CAPN15: variants seen among roughly 807,000 people sequenced by gnomAD.
CAPN15 encodes calpain-15.
In CAPN15, 53 loss-of-function variants were observed where a neutral mutation model predicts 97.9. That is an observed-to-expected ratio of 0.54 (90% CI 0.43 to 0.68). CAPN15 has a LOEUF of 0.68. Among genes scored for constraint, CAPN15 ranks in the 30% least tolerant of loss-of-function variants. CAPN15 has a pLI of 0.00. For synonymous variants in CAPN15, 922 were observed against 722.5 expected (o/e 1.28, Z -4.43); for missense variants, 1,592 against 1,589.8 (o/e 1.00, Z -0.02).
In CAPN15 at chr16:547,036, G is replaced by C; in HGVS notation, c.198G>C (p.Val66=). 6.2e-7 allele frequency: 1 copy of C among 1,609,008 alleles called. No individual in the cohort carries two copies. Among genetic ancestry groups the C allele is most frequent in the East Asian group, 2.2e-5 (1 of 44,834 alleles). ...TCCTGGGCAAGGAGGCCTGCGAGGT[G>C]TGCGGCTTCACCCCGGAGCCTGCGC... ...RNFLGKEACE[V]CGFTPEPAPG... The change falls in exon 4 of 14, where the codon GTG becomes GTC. Residue 66 remains valine (V), a synonymous_variant. Coordinates refer to ENST00000219611, the MANE Select transcript of CAPN15 (RefSeq NM_005632.3).
At chr16:549,550 C>G in intron 6 of CAPN15, 65 bp from the exon 7 acceptor site, 1 of 1,364,120 alleles carries the variant, frequency 7.3e-7, no homozygotes, top group Non-Finnish European at 9.9e-7. Flanking sequence ...CGGCTGCTTC[C>G]TCTTCTCCCA....
rs1403889458 is a variant in CAPN15 at position 527,909 on chromosome 16, G to C, written c.-310G>C. On this transcript the variant is annotated 5_prime_UTR_variant, in exon 1 of 14. Coordinates refer to ENST00000219611, the MANE Select transcript of CAPN15 (RefSeq NM_005632.3). ...CCGGGCAGCGCGGCCGGCGGCGAGAGGGGCCCCGCCGCTCTCCGGAGGCAG... is the reference window on the plus strand; with the variant it reads ...CCGGGCAGCGCGGCCGGCGGCGAGACGGGCCCCGCCGCTCTCCGGAGGCAG... The C allele has an allele frequency of 6.8e-6, 1 of 146,228 alleles. No homozygotes were observed. Among genetic ancestry groups the C allele is most frequent in the African/African-American group, 2.5e-5 (1 of 40,804 alleles). 9.1% of individuals were successfully genotyped at this position (146,228 alleles called of 1,614,324 possible).
At chr16:530,706 C>G (rs555190870) in intron 1 of CAPN15, among the ~76,000 whole-genome samples, 1 of 152,322 alleles carries the variant, frequency 6.6e-6, no homozygotes, top group East Asian at 1.9e-4. Context: ...ACAGGGGCTG[C>G]TGCTGGGCCC....
intron 1 of CAPN15, among the ~76,000 whole-genome samples, chr16:530,405 A>AG (rs1286818906): frequency 6.6e-6 from 1 of 152,234 alleles, no homozygotes; most frequent in Admixed American, 6.5e-5. Flanking sequence ...CTGGCAGCCC[A>AG]GGGGGACTCC....
chr16:550,169 G>A (rs558163002), intron 7 of CAPN15, among the ~76,000 whole-genome samples: 4 of 152,208 alleles, frequency 2.6e-5, no homozygotes, highest in Non-Finnish European at 4.4e-5. Context: ...CGGGGCAGGC[G>A]TGAGCGGCGT....
In CAPN15 at chr16:551,901, G is replaced by A; in HGVS notation, c.2346-150G>A. 3.9e-6 allele frequency: 4 copies of A among 1,016,816 alleles called. No homozygotes were observed. In the South Asian group the frequency reaches 5.5e-5, roughly 14 times the overall value. 63.0% of individuals were successfully genotyped at this position (1,016,816 alleles called of 1,614,324 possible). A position where few individuals can be genotyped will look rare whatever the true frequency, so the allele number is the denominator to read the frequency against. ...GGAGGGCTTCCTATTATAGGCCTCAGGGATGGGCCCCCGGGGGCCGGGCTG... is the reference window on the plus strand; with the variant it reads ...GGAGGGCTTCCTATTATAGGCCTCAAGGATGGGCCCCCGGGGGCCGGGCTG... On this transcript the variant is annotated intron_variant, in intron 9 of 13. Coordinates refer to ENST00000219611, the MANE Select transcript of CAPN15 (RefSeq NM_005632.3).
rs2032964965 is a variant in CAPN15, at chr16:527,952, G to A, written c.-267G>A. The A allele has an allele frequency of 6.9e-6, 1 of 145,958 alleles. No homozygotes were observed. The highest frequency in any genetic ancestry group is 6.8e-5 in the Admixed American group (1 of 14,746). The allele number at this position is 145,958 out of a possible 1,614,324, so 9.0% of individuals were successfully genotyped here. On this transcript the variant is annotated 5_prime_UTR_variant, in exon 1 of 14. Transcript: ENST00000219611. The stretch of plus-strand genomic sequence containing the variant: ...GGAGGCAGAAGTTGTGGATCGGCCG[G>A]CGGGGGCGAGCGGGCCCGGGGGCCG...
intron 3 of CAPN15, among the ~76,000 whole-genome samples, chr16:544,780 TCTCCCCCA>T (rs1596341405): frequency 6.8e-5 from 1 of 14,672 alleles, no homozygotes; most frequent in East Asian, 2.7e-3. Flanking sequence ...CCCCACGTCG[TCTCCCCCA>T]CGTCGTCGTC....
Position 547,138 on chromosome 16 carries a change from C to G in CAPN15, c.300C>G (p.Ser100Arg), listed in dbSNP as rs1340607680. The G allele has an allele frequency of 2.6e-6, 4 of 1,557,044 alleles. No homozygotes were observed. Among genetic ancestry groups the G allele is most frequent in the South Asian group, 1.2e-5 (1 of 83,310 alleles). The change falls in exon 4 of 14, where the codon AGC becomes AGG. Residue 100 changes from serine to arginine, a missense_variant. Physicochemically the swap from Ser to Arg is moderately radical, Grantham distance 110. Transcript: ENST00000219611. ...CCATCCTGGGGGAGCCCAAGGGCAGCTGCCAGGAGGAAGCAGGTCCAGTGA... is the reference window on the plus strand; with the variant it reads ...CCATCCTGGGGGAGCCCAAGGGCAGGTGCCAGGAGGAAGCAGGTCCAGTGA... Reference protein sequence around the residue: ...PPAILGEPKGSCQEEAGPVRT... With the variant: ...PPAILGEPKGRCQEEAGPVRT...
At position 535,169 on chromosome 16, in the gene CAPN15, T is replaced by A. The variant is rs930501507; in HGVS notation, c.-136-860T>A. The A allele has an allele frequency of 6.6e-6, 1 of 152,648 alleles. No homozygotes were observed. Among genetic ancestry groups the A allele is most frequent in the African/African-American group, 2.4e-5 (1 of 41,400 alleles). The allele number at this position is 152,648 out of a possible 1,614,324, so 9.5% of individuals were successfully genotyped here. A position where few individuals can be genotyped will look rare whatever the true frequency, so the allele number is the denominator to read the frequency against. On this transcript the variant is annotated intron_variant, in intron 2 of 13. Coordinates refer to ENST00000219611, the MANE Select transcript of CAPN15 (RefSeq NM_005632.3). The surrounding 1 kb of genome is among the most constrained non-coding windows in gnomAD (Gnocchi z 6.2). Reference sequence around the variant, plus strand: ...TGCATCCACTGGAGCCTCAGGAGCATGCGTTCCGTCCCCACGGGTCACCCC... The same window carrying A: ...TGCATCCACTGGAGCCTCAGGAGCAAGCGTTCCGTCCCCACGGGTCACCCC...
intron 5 of CAPN15, 37 bp from the exon 6 acceptor site, chr16:549,251 C>T (rs772475440): frequency 1.2e-5 from 19 of 1,548,932 alleles, no homozygotes; most frequent in Middle Eastern, 2.3e-4. Context: ...GGCGACCGGC[C>T]GCGGTCCCCG....
intron 3 of CAPN15, among the ~76,000 whole-genome samples, chr16:542,944 G>T (rs1236746326): frequency 2.0e-5 from 3 of 152,082 alleles, no homozygotes. Context: ...CTAGCTACTA[G>T]GGAGGCTGAA....
At position 551,694 on chromosome 16, in the gene CAPN15, C is replaced by T. The variant is rs201047114; in HGVS notation, c.2345+30C>T. On this transcript the variant is annotated intron_variant, in intron 9 of 13. Transcript: ENST00000219611. ...CGGCACCGTGGGGCGGTGTGCACGCCGCCCCCGCCCTCCTAGGGCCGAGTC... is the reference window on the plus strand; with the variant it reads ...CGGCACCGTGGGGCGGTGTGCACGCTGCCCCCGCCCTCCTAGGGCCGAGTC... The T allele has an allele frequency of 2.7e-4, 428 of 1,578,712 alleles. 2 individuals are homozygous for T. Among genetic ancestry groups the T allele is most frequent in the East Asian group, 7.9e-4 (35 of 44,320 alleles).
intron 3 of CAPN15, among the ~76,000 whole-genome samples, chr16:540,889 G>A (rs978028088): frequency 6.6e-6 from 1 of 152,218 alleles, no homozygotes; most frequent in Non-Finnish European, 1.5e-5. Context: ...TGGTCTGGAG[G>A]CAGTCCAGGT....
At chr16:529,891 A>AG (rs1719436983) in intron 1 of CAPN15, among the ~76,000 whole-genome samples, 1 of 152,130 alleles carries the variant, frequency 6.6e-6, no homozygotes, top group African/African-American at 2.4e-5. Context: ...TTTCCTCATA[A>AG]GACACAGAAG....
At chr16:540,590 C>G (rs1043550609) in intron 3 of CAPN15, among the ~76,000 whole-genome samples, 9 of 152,328 alleles carry the variant, frequency 5.9e-5, no homozygotes, top group East Asian at 1.9e-4. Context: ...TGCGCCCAAT[C>G]CCGGCGGCCC....
At chr16:534,958 G>T (rs767805434) in intron 2 of CAPN15, among the ~76,000 whole-genome samples, 3 of 152,200 alleles carry the variant, frequency 2.0e-5, no homozygotes, top group Non-Finnish European at 2.9e-5. Flanking sequence ...CACCTGCGGG[G>T]CAGGGGAGGG....
rs2035095622 is a variant in CAPN15 at position 551,743 on chromosome 16, C to T, written c.2345+79C>T. ...TCCTTCTCTGGAGAACAAGCCTGTC[C>T]CTCCTGCTGACCTGGGGTGGGGCGG... On this transcript the variant is annotated intron_variant, in intron 9 of 13. Transcript: ENST00000219611. 6 of 1,549,994 alleles carry T rather than the reference C, an allele frequency of 3.9e-6. No individual in the cohort carries two copies. The South Asian group carries it at 4.6e-5, about 12-fold the overall frequency.
At chr16:546,746 G>T in intron 3 of CAPN15, 71 bp from the exon 4 acceptor site, 1 of 1,476,276 alleles carries the variant, frequency 6.8e-7, no homozygotes, top group Non-Finnish European at 9.0e-7. Flanking sequence ...CCTTCCCCAG[G>T]CCGAGAGGAG....
Sources: allele counts gnomAD v4.1 joint callset (sites outside exome capture counted in the v4.1 genomes callset), GRCh38; gene constraint gnomAD v4.1.1; non-coding constraint Gnocchi (gnomAD v3.1); transcripts MANE v1.5; gene names NCBI Gene and HGNC (gene_info 2026-07-23, HGNC 2026-07-21).